The following LMBR1 variants were observed in gnomAD, a reference collection of about 807,000 sequenced individuals.
LMBR1 encodes limb region 1 protein homolog.
In LMBR1, 52 loss-of-function variants were observed where a neutral mutation model predicts 73.9. The ratio of observed to expected loss-of-function variants is 0.70; its 90% confidence interval spans 0.56 to 0.89. The LOEUF is 0.89. LMBR1 is among the 40% of genes least tolerant of loss of function. LMBR1 has a pLI of 0.00. For missense variants in LMBR1, 539 were observed against 579.8 expected (o/e 0.93, Z 0.72); for synonymous variants, 215 against 209.4 (o/e 1.03, Z -0.23).
In LMBR1 at chr7:156,730,611, G is replaced by C. The variant is rs555059100; in HGVS notation, c.839-1891C>G. ...GCAGAGTTTCTATAGTTTTGTATAAGAAATATCTGGCATTCAATTAAACAT... is the reference window on the plus strand; with the variant it reads ...GCAGAGTTTCTATAGTTTTGTATAACAAATATCTGGCATTCAATTAAACAT... On this transcript the variant is annotated intron_variant, in intron 10 of 16. Transcript: ENST00000353442. Among the ~76,000 whole-genome samples, 6 of 152,224 alleles carry C rather than the reference G, an allele frequency of 3.9e-5. No homozygotes were observed. The East Asian group carries it at 9.7e-4, about 25-fold the overall frequency.
chr7:156,846,738 T>C (rs1165471078), intron 1 of LMBR1, among the ~76,000 whole-genome samples: 2 of 152,028 alleles, frequency 1.3e-5, no homozygotes, highest in Non-Finnish European at 2.9e-5. Flanking sequence ...CAACACAATA[T>C]TGAAGGAAAA....
chr7:156,868,792 C>T (rs955682880), intron 1 of LMBR1, among the ~76,000 whole-genome samples: 2 of 151,994 alleles, frequency 1.3e-5, no homozygotes, highest in Non-Finnish European at 2.9e-5. Flanking sequence ...ATGGTGAAAC[C>T]CCATCTCTAC....
intron 1 of LMBR1, among the ~76,000 whole-genome samples, chr7:156,857,023 T>C (rs1236134024): frequency 1.3e-5 from 2 of 151,930 alleles, no homozygotes; most frequent in African/African-American, 4.8e-5. Flanking sequence ...AGAAGTATAA[T>C]TGATATGCTA....
In LMBR1 at chr7:156,719,130, C is replaced by G. The variant is rs550544260; in HGVS notation, c.1225+4982G>C. Among the ~76,000 whole-genome samples the G allele has an allele frequency of 6.8e-5, 9 of 132,018 alleles. 1 individual carries two copies. Among genetic ancestry groups the G allele is most frequent in the Admixed American group, 4.6e-4 (6 of 13,158 alleles). The allele number at this position is 132,018 out of a possible 152,430, so 86.6% of individuals were successfully genotyped here. A position where few individuals can be genotyped will look rare whatever the true frequency, so the allele number is the denominator to read the frequency against. On this transcript the variant is annotated intron_variant, in intron 15 of 16. Transcript: ENST00000353442. Reference sequence around the variant, plus strand: ...GTATATCTCCTAATGCTATCCCCCCCCTCCCCCCACCCCACAACAGTCCCC... The same window carrying G: ...GTATATCTCCTAATGCTATCCCCCCGCTCCCCCCACCCCACAACAGTCCCC...
chr7:156,773,738 G>T (rs188769100), intron 5 of LMBR1, among the ~76,000 whole-genome samples: 1 of 151,756 alleles, frequency 6.6e-6, no homozygotes. Flanking sequence ...ACCTAAAACC[G>T]TTAAAAACCC....
chr7:156,836,769 T>C, intron 2 of LMBR1, 44 bp downstream of exon 2: 2 of 1,244,834 alleles, frequency 1.6e-6, no homozygotes, highest in South Asian at 1.3e-5. Flanking sequence ...GCCTAGACCA[T>C]GTGGCATTCT....
intron 9 of LMBR1, among the ~76,000 whole-genome samples, chr7:156,747,324 G>A (rs1820028841): frequency 6.6e-6 from 1 of 152,006 alleles, no homozygotes; most frequent in Non-Finnish European, 1.5e-5. Flanking sequence ...ACTTTTCCCA[G>A]CTTTATTCTT....
intron 4 of LMBR1, among the ~76,000 whole-genome samples, chr7:156,803,623 C>T (rs1480972794): frequency 1.3e-5 from 2 of 152,080 alleles, no homozygotes; most frequent in African/African-American, 2.4e-5. Context: ...TGCCATTTGA[C>T]CCAGCCATCC....
At chr7:156,830,665 TC>T (rs571289001) in intron 3 of LMBR1, among the ~76,000 whole-genome samples, 10 of 152,364 alleles carry the variant, frequency 6.6e-5, no homozygotes, top group Admixed American at 6.5e-4. Context: ...AGTCTTCATC[TC>T]AGCTAATCAA....
At chr7:156,738,516 CA>C (rs1194657505) in intron 9 of LMBR1, among the ~76,000 whole-genome samples, 16 of 152,308 alleles carry the variant, frequency 1.1e-4, no homozygotes, top group African/African-American at 3.4e-4. Flanking sequence ...GAGGTTGCAC[CA>C]CCTCTCCACC....
chr7:156,720,635 CTAT>C (rs1321989006), intron 15 of LMBR1, among the ~76,000 whole-genome samples: 1 of 151,522 alleles, frequency 6.6e-6, no homozygotes, highest in Non-Finnish European at 1.5e-5. Context: ...AAGTTAATTA[CTAT>C]AAGTTAATAA....
At chr7:156,855,118 T>C (rs1014996861) in intron 1 of LMBR1, among the ~76,000 whole-genome samples, 7 of 152,088 alleles carry the variant, frequency 4.6e-5, no homozygotes, top group African/African-American at 1.7e-4. Context: ...GATTTGGGGA[T>C]TATGAGAGTC....
At chr7:156,840,294 T>C (rs1347002393) in intron 1 of LMBR1, among the ~76,000 whole-genome samples, 1 of 152,010 alleles carries the variant, frequency 6.6e-6, no homozygotes, top group African/African-American at 2.4e-5. Flanking sequence ...TATGCAACGT[T>C]AGAGGAACAG....
chr7:156,868,195 CT>C (rs537282265), intron 1 of LMBR1, among the ~76,000 whole-genome samples: 4,246 of 138,586 alleles, frequency 0.031, 80 homozygotes, highest in South Asian at 0.092. Context: ...AGGAGATTTT[CT>C]TTTTTTTTTT....
At chr7:156,817,957 T>C (rs978468016) in intron 4 of LMBR1, among the ~76,000 whole-genome samples, 3 of 152,152 alleles carry the variant, frequency 2.0e-5, no homozygotes, top group Non-Finnish European at 4.4e-5. Context: ...TAATTTCCTA[T>C]CCCAAACACT....
At chr7:156,686,745 T>C (rs1158413312) in intron 16 of LMBR1, among the ~76,000 whole-genome samples, 1 of 152,220 alleles carries the variant, frequency 6.6e-6, no homozygotes, top group Admixed American at 6.5e-5. Flanking sequence ...GGCAGTTCAT[T>C]TGCAACCATC....
chr7:156,777,956 T>G (rs1464327459), intron 5 of LMBR1, among the ~76,000 whole-genome samples: 1 of 152,198 alleles, frequency 6.6e-6, no homozygotes. Flanking sequence ...AAACACCAAG[T>G]GCTTCTGATT....
intron 3 of LMBR1, among the ~76,000 whole-genome samples, chr7:156,832,968 T>C (rs972135936): frequency 1.3e-5 from 2 of 152,170 alleles, no homozygotes; most frequent in Non-Finnish European, 2.9e-5. Context: ...ACTAGTAAGT[T>C]TGAATGGAGT....
rs1470768914 is a variant in LMBR1 at position 156,893,116 on chromosome 7, G to A, written c.-123C>T. The A allele has an allele frequency of 2.1e-6, 2 of 959,508 alleles. No homozygotes were observed. The allele number at this position is 959,508 out of a possible 1,614,324, so 59.4% of individuals were successfully genotyped here. On this transcript the variant is annotated 5_prime_UTR_variant, in exon 1 of 17. Transcript: ENST00000353442. ...GAGCCGGCACGGGCCCGCGAGCCGTGTTGGAACAGGTACCGCGACCACGAC... is the reference window on the plus strand; with the variant it reads ...GAGCCGGCACGGGCCCGCGAGCCGTATTGGAACAGGTACCGCGACCACGAC...
Sources: gnomAD v4.1 joint callset for allele counts (sites outside exome capture counted in the v4.1 genomes callset) on GRCh38, gnomAD v4.1.1 for gene constraint, MANE v1.5 for transcripts, NCBI Gene and HGNC (gene_info 2026-07-23, HGNC 2026-07-21) for gene names.